The following SPHKAP variants were observed in gnomAD, a reference collection of about 807,000 sequenced individuals.
The protein encoded by SPHKAP is A-kinase anchor protein SPHKAP.
In SPHKAP, 67 loss-of-function variants were observed where a neutral mutation model predicts 137.5. That is an observed-to-expected ratio of 0.49 (90% CI 0.40 to 0.60). SPHKAP has a LOEUF of 0.60. Ranked by LOEUF, SPHKAP falls within the 20% of genes least tolerant of loss-of-function variation. The pLI is 0.00. For missense variants in SPHKAP, 2,097 were observed against 2,069.3 expected (o/e 1.01, Z -0.26); for synonymous variants, 813 against 785.3 (o/e 1.04, Z -0.59).
chr2:227,983,098 G>T (rs184133675), intron 11 of SPHKAP, among the ~76,000 whole-genome samples: 10 of 152,146 alleles, frequency 6.6e-5, no homozygotes, highest in Non-Finnish European at 1.2e-4. Flanking sequence ...TTTTTTCTAG[G>T]ATTTTTTAAA....
intron 1 of SPHKAP, among the ~76,000 whole-genome samples, chr2:228,152,470 T>TA (rs1400364610): frequency 3.3e-5 from 5 of 152,128 alleles, no homozygotes; most frequent in Non-Finnish European, 5.9e-5. Flanking sequence ...ATGATATATA[T>TA]TTTTCCATAC....
At chr2:228,033,969 A>T (rs1389551331) in intron 3 of SPHKAP, among the ~76,000 whole-genome samples, 1 of 152,240 alleles carries the variant, frequency 6.6e-6, no homozygotes, top group Non-Finnish European at 1.5e-5. Context: ...AATTAAAAGA[A>T]CTAGAAAAGC....
At chr2:227,991,396 G>A (rs977408950) in intron 9 of SPHKAP, 70 bp from the exon 10 acceptor site, 37 of 1,609,176 alleles carry the variant, frequency 2.3e-5, no homozygotes, top group African/African-American at 1.5e-4. Flanking sequence ...AAGATGAGGC[G>A]ATGGGTCTTA....
intron 7 of SPHKAP, among the ~76,000 whole-genome samples, chr2:228,014,224 T>C (rs1386233694): frequency 1.3e-5 from 2 of 152,176 alleles, no homozygotes; most frequent in Non-Finnish European, 2.9e-5. Context: ...TGGTTAAAAA[T>C]CTTAGCTGGG....
intron 1 of SPHKAP, among the ~76,000 whole-genome samples, chr2:228,160,409 G>A (rs1700239850): frequency 6.6e-6 from 1 of 152,186 alleles, no homozygotes; most frequent in South Asian, 2.1e-4. Flanking sequence ...CCAAATGGCT[G>A]AAGAAGTCCT....
At chr2:228,115,399 C>A (rs1028369284) in intron 2 of SPHKAP, among the ~76,000 whole-genome samples, 6 of 152,076 alleles carry the variant, frequency 3.9e-5, no homozygotes, top group Non-Finnish European at 7.4e-5. Flanking sequence ...TCCTGACTTC[C>A]CTATTTGCAG....
chr2:228,030,147 A>ATATC (rs1459756244), intron 3 of SPHKAP, among the ~76,000 whole-genome samples: 3 of 152,216 alleles, frequency 2.0e-5, no homozygotes, highest in Non-Finnish European at 2.9e-5. Context: ...ACATCTTGCA[A>ATATC]TATCTTCATA....
intron 1 of SPHKAP, among the ~76,000 whole-genome samples, chr2:228,153,635 A>G (rs879175639): frequency 6.6e-6 from 1 of 152,192 alleles, no homozygotes; most frequent in African/African-American, 2.4e-5. Context: ...CTGATATTTA[A>G]GATTTTCTGT....
intron 5 of SPHKAP, among the ~76,000 whole-genome samples, chr2:228,025,004 A>G (rs1469846959): frequency 6.6e-6 from 1 of 152,176 alleles, no homozygotes; most frequent in East Asian, 1.9e-4. Flanking sequence ...CCTAAGGAAT[A>G]CATAACATCT....
chr2:228,160,577 G>T (rs575040057), intron 1 of SPHKAP, among the ~76,000 whole-genome samples: 3 of 152,244 alleles, frequency 2.0e-5, no homozygotes, highest in Admixed American at 6.5e-5. Context: ...AGCATGGGGG[G>T]TAATCGCCCC....
chr2:228,169,270 C>T (rs1293251129), intron 1 of SPHKAP, among the ~76,000 whole-genome samples: 1 of 152,132 alleles, frequency 6.6e-6, no homozygotes, highest in African/African-American at 2.4e-5. Flanking sequence ...AAAATCCTTA[C>T]ATTAGAACAA....
At chr2:228,090,567 A>G (rs1308290243) in intron 3 of SPHKAP, among the ~76,000 whole-genome samples, 1 of 152,126 alleles carries the variant, frequency 6.6e-6, no homozygotes, top group Non-Finnish European at 1.5e-5. Flanking sequence ...GCAGAATGAT[A>G]TAGTTTGGAT....
chr2:228,015,857 G>GA (rs1694564224), intron 7 of SPHKAP, among the ~76,000 whole-genome samples: 1 of 151,994 alleles, frequency 6.6e-6, no homozygotes, highest in Non-Finnish European at 1.5e-5. Context: ...AATGAGAGGA[G>GA]AGAAAAATGA....
chr2:228,058,650 A>G lies in SPHKAP; in HGVS notation c.247-31107T>C, dbSNP rs1463020071. Among the ~76,000 whole-genome samples, 3 of 152,158 alleles carry G rather than the reference A, an allele frequency of 2.0e-5. No individual in the cohort carries two copies. The East Asian group carries it at 5.8e-4, about 29-fold the overall frequency. ...GTGCTAACTTCTTTACTACCTACACACACAGATTTCCCAGCATTCTGTGCT... is the reference window on the plus strand; with the variant it reads ...GTGCTAACTTCTTTACTACCTACACGCACAGATTTCCCAGCATTCTGTGCT... On this transcript the variant is annotated intron_variant, in intron 3 of 11. Coordinates refer to ENST00000392056, the MANE Select transcript of SPHKAP (RefSeq NM_001142644.2).
At chr2:228,149,605 A>G (rs1023740537) in intron 1 of SPHKAP, among the ~76,000 whole-genome samples, 6 of 152,192 alleles carry the variant, frequency 3.9e-5, no homozygotes, top group African/African-American at 1.4e-4. Flanking sequence ...ACAGAAGAGG[A>G]TCTCCAATCT....
intron 6 of SPHKAP, 117 bp downstream of exon 6, chr2:228,021,594 A>G: frequency 8.2e-7 from 1 of 1,219,932 alleles, no homozygotes; most frequent in Non-Finnish European, 1.2e-6. Context: ...AAAATTCAGC[A>G]AGTAAAGACT....
rs140907397 is a variant in SPHKAP, at chr2:228,087,725, A to T, written c.246+21107T>A. Among the ~76,000 whole-genome samples the T allele has an allele frequency of 6.3e-3, 955 of 152,314 alleles. 12 individuals carry two copies. The highest frequency in any genetic ancestry group is 0.029 in the East Asian group (149 of 5,188). ...CAGAAGAAATAATCAGTGAACTTAA[A>T]GAGAGATTGACAGGGATATGCAACC... On this transcript the variant is annotated intron_variant, in intron 3 of 11. Coordinates refer to ENST00000392056, the MANE Select transcript of SPHKAP (RefSeq NM_001142644.2).
chr2:228,091,216 T>C (rs1284469622), intron 3 of SPHKAP, among the ~76,000 whole-genome samples: 2 of 152,098 alleles, frequency 1.3e-5, no homozygotes, highest in East Asian at 3.8e-4. Flanking sequence ...CTAGAGTGAC[T>C]ATACTAATAT....
At chr2:228,016,287 C>G (rs1446374218) in intron 7 of SPHKAP, 119 bp downstream of exon 7, 3 of 1,331,448 alleles carry the variant, frequency 2.3e-6, no homozygotes, top group Non-Finnish European at 2.9e-6. Context: ...TTTTTTTGGT[C>G]TTGAAAATTT....
Sources: allele counts gnomAD v4.1 joint callset (sites outside exome capture counted in the v4.1 genomes callset), GRCh38; gene constraint gnomAD v4.1.1; transcripts MANE v1.5; gene names NCBI Gene and HGNC (gene_info 2026-07-23, HGNC 2026-07-21).